GPC5: variants seen among roughly 807,000 people sequenced by gnomAD.
GPC5 encodes glypican 5, also known as glypican-5.
A neutral mutation model predicts 53.9 loss-of-function variants in GPC5; 47 were observed. The ratio of observed to expected loss-of-function variants is 0.87; its 90% confidence interval spans 0.69 to 1.11. The LOEUF (loss-of-function observed/expected upper bound fraction) is 1.11. GPC5 is among the 50% of genes most tolerant of loss of function. The pLI is 0.00. For synonymous variants in GPC5, 286 were observed against 263.3 expected, an observed-to-expected ratio of 1.09 and a Z score of -0.84; for missense variants, 748 against 713.1, an observed-to-expected ratio of 1.05 and a Z score of -0.56.
At chr13:92,031,538 A>C (rs1466480135) in intron 6 of GPC5, among the ~76,000 whole-genome samples, 1 of 150,556 alleles carries the variant, frequency 6.6e-6, no homozygotes, top group Non-Finnish European at 1.5e-5. Flanking sequence ...CATCCACACC[A>C]ACATCTATTC....
intron 7 of GPC5, among the ~76,000 whole-genome samples, chr13:92,647,837 C>G (rs1249784349): frequency 1.3e-5 from 2 of 151,964 alleles, no homozygotes; most frequent in African/African-American, 4.8e-5. Context: ...ATTTTTCATT[C>G]ATTCAACAAA....
intron 7 of GPC5, among the ~76,000 whole-genome samples, chr13:92,355,672 T>A (rs570197480): frequency 6.6e-6 from 1 of 152,212 alleles, no homozygotes; most frequent in Admixed American, 6.5e-5. Context: ...GAATTCAACA[T>A]GCTGACTTCT....
At chr13:92,242,550 C>T (rs2042621014) in intron 7 of GPC5, among the ~76,000 whole-genome samples, 1 of 151,464 alleles carries the variant, frequency 6.6e-6, no homozygotes, top group Non-Finnish European at 1.5e-5. Flanking sequence ...TTTTTATATA[C>T]CAAAAGCTAT....
rs75086535 is a variant in GPC5 at position 92,167,006 on chromosome 13, G to A, written c.1561+22017G>A. Among the ~76,000 whole-genome samples the A allele has an allele frequency of 5.3e-3, 741 of 138,770 alleles. 9 individuals are homozygous for A. The highest frequency in any genetic ancestry group is 0.018 in the African/African-American group (656 of 36,868). 91.0% of individuals were successfully genotyped at this position (138,770 alleles called of 152,430 possible). On this transcript the variant is annotated intron_variant, in intron 7 of 7. Coordinates refer to ENST00000377067, the MANE Select transcript of GPC5 (RefSeq NM_004466.6). ...CACACACACACACACATATACACAC[G>A]CCCTATCCTGAACAGTTAAATTTCC...
At chr13:92,725,099 C>G (rs183563212) in intron 7 of GPC5, among the ~76,000 whole-genome samples, 2 of 151,438 alleles carry the variant, frequency 1.3e-5, no homozygotes, top group Non-Finnish European at 3.0e-5. Flanking sequence ...TGTTATCTAC[C>G]GTTTTCTCAT....
At chr13:92,167,083 A>G (rs2042037199) in intron 7 of GPC5, among the ~76,000 whole-genome samples, 2 of 151,838 alleles carry the variant, frequency 1.3e-5, no homozygotes, top group Non-Finnish European at 2.9e-5. Flanking sequence ...GTAAATAAGG[A>G]TTTTACATTT....
At chr13:91,461,694 A>G (rs1235624933) in intron 2 of GPC5, among the ~76,000 whole-genome samples, 2 of 152,198 alleles carry the variant, frequency 1.3e-5, no homozygotes, top group East Asian at 3.9e-4. Flanking sequence ...AATATTTGAT[A>G]GGCAGTAAAA....
At chr13:91,950,479 T>A (rs948897000) in intron 6 of GPC5, among the ~76,000 whole-genome samples, 2 of 152,190 alleles carry the variant, frequency 1.3e-5, no homozygotes, top group African/African-American at 4.8e-5. Flanking sequence ...TTCTGTGCTG[T>A]CTAAGCACTT....
At chr13:92,740,543 A>G (rs1250830065) in intron 7 of GPC5, among the ~76,000 whole-genome samples, 1 of 152,070 alleles carries the variant, frequency 6.6e-6, no homozygotes, top group Non-Finnish European at 1.5e-5. Flanking sequence ...AGTGCTTGGT[A>G]TGTATAGAAC....
At chr13:92,786,013 T>A (rs1311598132) in intron 7 of GPC5, among the ~76,000 whole-genome samples, 1 of 152,236 alleles carries the variant, frequency 6.6e-6, no homozygotes, top group African/African-American at 2.4e-5. Context: ...TCAACCCTTG[T>A]CAAAATATGG....
chr13:92,284,831 C>A (rs577717214), intron 7 of GPC5, among the ~76,000 whole-genome samples: 5 of 152,160 alleles, frequency 3.3e-5, no homozygotes, highest in Non-Finnish European at 7.3e-5. Context: ...AAACCCGGCA[C>A]AAGACAGGGA....
intron 6 of GPC5, among the ~76,000 whole-genome samples, chr13:92,076,082 T>G (rs2041249502): frequency 6.6e-6 from 1 of 151,454 alleles, no homozygotes; most frequent in Non-Finnish European, 1.5e-5. Flanking sequence ...AGTATAATTT[T>G]TTTTTTTTTT....
intron 7 of GPC5, chr13:92,701,379 T>C (rs1887733403): frequency 6.6e-6 from 1 of 152,092 alleles, no homozygotes; most frequent in Non-Finnish European, 1.5e-5. Flanking sequence ...CCTACACACC[T>C]AAACTCACCC....
intron 6 of GPC5, among the ~76,000 whole-genome samples, chr13:92,018,218 C>G (rs767221035): frequency 5.9e-5 from 9 of 152,056 alleles, no homozygotes; most frequent in Non-Finnish European, 1.0e-4. Flanking sequence ...ATAAGTAAGT[C>G]TTTTTAAAAT....
chr13:91,910,320 A>C (rs974468318), intron 6 of GPC5, among the ~76,000 whole-genome samples: 5 of 152,210 alleles, frequency 3.3e-5, no homozygotes, highest in African/African-American at 1.2e-4. Context: ...TCAGCTATGA[A>C]AGGATTCAGA....
intron 5 of GPC5, among the ~76,000 whole-genome samples, chr13:91,790,168 A>G (rs2037942416): frequency 6.6e-6 from 1 of 152,188 alleles, no homozygotes; most frequent in African/African-American, 2.4e-5. Flanking sequence ...TTTTTATAGC[A>G]GCCATTATAA....
intron 7 of GPC5, among the ~76,000 whole-genome samples, chr13:92,298,179 G>A (rs1172180502): frequency 6.6e-6 from 1 of 152,024 alleles, no homozygotes; most frequent in Non-Finnish European, 1.5e-5. Flanking sequence ...GTGCCCCCTC[G>A]CCCACAGCAC....
chr13:91,607,342 T>C (rs779118073), intron 2 of GPC5, among the ~76,000 whole-genome samples: 4 of 152,184 alleles, frequency 2.6e-5, no homozygotes, highest in Non-Finnish European at 5.9e-5. Context: ...TTTGGGAATT[T>C]GATAAAATTA....
chr13:92,387,795 A>G (rs1874807270), intron 7 of GPC5, among the ~76,000 whole-genome samples: 1 of 152,142 alleles, frequency 6.6e-6, no homozygotes, highest in African/African-American at 2.4e-5. Context: ...TGGTTTCCTT[A>G]CTAGTAAAGT....
Sources: allele counts gnomAD v4.1 joint callset (sites outside exome capture counted in the v4.1 genomes callset), GRCh38; gene constraint gnomAD v4.1.1; transcripts MANE v1.5; gene names NCBI Gene and HGNC (gene_info 2026-07-23, HGNC 2026-07-21).